The following MAF variants were observed in gnomAD, a reference collection of about 807,000 sequenced individuals.
The protein encoded by MAF is MAF bZIP transcription factor.
In MAF, 10 loss-of-function variants were observed where a neutral mutation model predicts 22.0. The observed-to-expected ratio is 0.45, with a 90% CI of 0.28 to 0.77. The LOEUF (loss-of-function observed/expected upper bound fraction) is 0.77, where lower values mean the gene tolerates loss of function less well. Ranked by LOEUF, MAF falls within the 30% of genes least tolerant of loss-of-function variation. MAF has a pLI of 0.12. For synonymous variants in MAF, 337 were observed against 255.8 expected (o/e 1.32, Z -3.03); for missense variants, 544 against 548.4 (o/e 0.99, Z 0.08).
chr16:79,291,836 C>T, the MAF span, among the ~76,000 whole-genome samples: 2 of 148,082 alleles, frequency 1.4e-5, no homozygotes, highest in Non-Finnish European at 3.0e-5. Context: ...AGGTTGTGGT[C>T]CCAGCCCTCA....
the MAF span, among the ~76,000 whole-genome samples, chr16:79,561,298 A>G: frequency 6.8e-6 from 1 of 147,866 alleles, no homozygotes; most frequent in Non-Finnish European, 1.5e-5. Flanking sequence ...CTCTCTTCCT[A>G]GTTTGAAGTT....
chr16:79,598,469 A>AC (rs1555529668), intron 1 of MAF: 18 of 1,304,578 alleles, frequency 1.4e-5, no homozygotes, highest in Non-Finnish European at 1.7e-5. Flanking sequence ...AAAAAAAAAA[A>AC]AACAAGCTAG....
the MAF span, among the ~76,000 whole-genome samples, chr16:79,426,834 G>C: frequency 3.0e-4 from 45 of 152,340 alleles, no homozygotes; most frequent in African/African-American, 1.1e-3. Context: ...AGCCCGGAGT[G>C]CTGGGGCCAA....
At chr16:79,220,076 T>C in the MAF span, among the ~76,000 whole-genome samples, 2 of 151,838 alleles carry the variant, frequency 1.3e-5, no homozygotes, top group African/African-American at 4.8e-5. Flanking sequence ...GCCAACATGG[T>C]GGAACCCTGT....
At chr16:79,206,056 G>A in the MAF span, 4 of 152,134 alleles carry the variant, frequency 2.6e-5, no homozygotes, top group Non-Finnish European at 4.4e-5. Flanking sequence ...ATCATCGAAG[G>A]GGGTGCTGAG....
At chr16:79,499,657 G>C in the MAF span, among the ~76,000 whole-genome samples, 39 of 152,262 alleles carry the variant, frequency 2.6e-4, no homozygotes, top group African/African-American at 9.1e-4. Flanking sequence ...CAGGTAGAAG[G>C]CACCATCCAC....
chr16:79,274,259 T>A, the MAF span, among the ~76,000 whole-genome samples: 1 of 151,998 alleles, frequency 6.6e-6, no homozygotes, highest in Non-Finnish European at 1.5e-5. Context: ...CCAGCCTTTT[T>A]TTTTTTTTAA....
the MAF span, among the ~76,000 whole-genome samples, chr16:79,528,071 G>T: frequency 2.0e-5 from 3 of 152,334 alleles, no homozygotes; most frequent in South Asian, 6.2e-4. Context: ...GAACCTGGGA[G>T]GTGGAGGTTG....
the MAF span, among the ~76,000 whole-genome samples, chr16:79,568,849 A>ACTT: frequency 6.6e-6 from 1 of 152,202 alleles, no homozygotes; most frequent in Admixed American, 6.5e-5. Context: ...TTTACTGAGC[A>ACTT]CTTCTAGGGG....
chr16:79,581,170 G>C (rs1912493700), downstream of MAF, among the ~76,000 whole-genome samples: 1 of 152,136 alleles, frequency 6.6e-6, no homozygotes, highest in Non-Finnish European at 1.5e-5. Flanking sequence ...AGAGGAGAGA[G>C]AAGAGGAAAA....
At chr16:79,364,354 A>T in the MAF span, among the ~76,000 whole-genome samples, 1 of 152,164 alleles carries the variant, frequency 6.6e-6, no homozygotes, top group African/African-American at 2.4e-5. Flanking sequence ...GAAAAAGGAC[A>T]TTGACTGTGA....
At position 79,599,340 on chromosome 16, in the gene MAF, G is replaced by T; in HGVS notation, c.563C>A (p.Ala188Asp). The change falls in exon 1 of 2, where the codon GCC (alanine) becomes GAC (aspartate). Residue 188 changes from alanine to aspartate, a missense_variant. Coordinates refer to ENST00000326043, the MANE Select transcript of MAF (RefSeq NM_005360.5). ...GPHYHHHHHH[A>D]AGHHHHPTAG... The stretch of plus-strand genomic sequence containing the variant: ...CGTCGGGTGGTGGTGGTGGCCGGCG[G>T]CGTGGTGGTGGTGGTGGTGGTAGTG... 1 of 990,312 alleles carries T rather than the reference G, an allele frequency of 1.0e-6. No homozygotes were observed. Among genetic ancestry groups the T allele is most frequent in the African/African-American group, 1.8e-5 (1 of 56,818 alleles). 61.3% of individuals were successfully genotyped at this position (990,312 alleles called of 1,614,324 possible).
At chr16:79,504,588 TG>T in the MAF span, among the ~76,000 whole-genome samples, 1 of 152,086 alleles carries the variant, frequency 6.6e-6, no homozygotes, top group Non-Finnish European at 1.5e-5. Flanking sequence ...GATGGATGGA[TG>T]GATGGATGGA....
the MAF span, among the ~76,000 whole-genome samples, chr16:79,569,078 A>G: frequency 1.3e-5 from 2 of 152,270 alleles, no homozygotes; most frequent in African/African-American, 4.8e-5. Flanking sequence ...CATTCGTAGC[A>G]ACAATCTAGA....
At chr16:79,266,094 G>C in the MAF span, among the ~76,000 whole-genome samples, 82 of 149,752 alleles carry the variant, frequency 5.5e-4, no homozygotes, top group African/African-American at 1.9e-3. Flanking sequence ...GGCTGGTCTC[G>C]AACTCCTGAG....
the MAF span, among the ~76,000 whole-genome samples, chr16:79,466,550 T>C: frequency 6.6e-6 from 1 of 152,210 alleles, no homozygotes; most frequent in African/African-American, 2.4e-5. Context: ...GAGGCAAACT[T>C]TGGATCTTCC....
At chr16:79,211,165 G>T in the MAF span, among the ~76,000 whole-genome samples, 1 of 152,036 alleles carries the variant, frequency 6.6e-6, no homozygotes, top group East Asian at 1.9e-4. Flanking sequence ...CTACCTGATG[G>T]ACCACAATTA....
At chr16:79,267,316 C>G in the MAF span, among the ~76,000 whole-genome samples, 15 of 152,148 alleles carry the variant, frequency 9.9e-5, no homozygotes, top group African/African-American at 3.6e-4. Flanking sequence ...GATCTGCCAG[C>G]CTGGAAGTGG....
the MAF span, among the ~76,000 whole-genome samples, chr16:79,420,317 C>T: frequency 1.3e-5 from 2 of 152,184 alleles, no homozygotes; most frequent in Admixed American, 1.3e-4. Flanking sequence ...AGGGCACCCA[C>T]TCCAGGCAGC....
Sources: allele counts gnomAD v4.1 joint callset (sites outside exome capture counted in the v4.1 genomes callset), GRCh38; gene constraint gnomAD v4.1.1; transcripts MANE v1.5; gene names NCBI Gene and HGNC (gene_info 2026-07-23, HGNC 2026-07-21).